TRHDE: variants seen among roughly 807,000 people sequenced by gnomAD.
TRHDE encodes thyrotropin releasing hormone degrading enzyme.
TRHDE carries 72 observed loss-of-function variants against 125.7 expected under a neutral mutation model. The ratio of observed to expected loss-of-function variants is 0.57; its 90% CI spans 0.47 to 0.70. The LOEUF (loss-of-function observed/expected upper bound fraction) is 0.70, where lower values mean the gene tolerates loss of function less well. TRHDE is among the 30% of genes least tolerant of loss of function. TRHDE has a pLI of 0.00. For missense variants in TRHDE, 1,110 were observed against 1,327.1 expected, an observed-to-expected ratio of 0.84 and a Z score of 2.54; for synonymous variants, 509 against 509.1, an observed-to-expected ratio of 1.00 and a Z score of 0.00.
intron 3 of TRHDE, among the ~76,000 whole-genome samples, chr12:72,412,588 C>T (rs566793091): frequency 1.3e-5 from 2 of 152,042 alleles, no homozygotes; most frequent in East Asian, 3.9e-4. Context: ...TGGGCATGTA[C>T]CTCTTCAAGG....
chr12:72,610,689 C>G (rs1872603144), intron 12 of TRHDE: 1 of 152,234 alleles, frequency 6.6e-6, no homozygotes, highest in Non-Finnish European at 1.5e-5. Context: ...GAGTCACCTT[C>G]TAAGCACATG....
intron 12 of TRHDE, among the ~76,000 whole-genome samples, chr12:72,583,969 C>T (rs1188806019): frequency 1.5e-5 from 1 of 67,586 alleles, no homozygotes; most frequent in Non-Finnish European, 2.1e-5. Flanking sequence ...GTCTCGCTGT[C>T]GCCCAGGCTG....
At chr12:72,402,176 G>C (rs1435813834) in intron 3 of TRHDE, among the ~76,000 whole-genome samples, 1 of 151,874 alleles carries the variant, frequency 6.6e-6, no homozygotes, top group Non-Finnish European at 1.5e-5. Context: ...TCCTAGGGGT[G>C]TCCAATCTTT....
Position 72,640,681 on chromosome 12 carries a change from G to A in TRHDE, c.2676-11641G>A, listed in dbSNP as rs533320285. On this transcript the variant is annotated intron_variant, in intron 15 of 18. Coordinates refer to ENST00000261180, the MANE Select transcript of TRHDE (RefSeq NM_013381.3). ...TCACGCATCAATGCAGAAATCACCC[G>A]TCTTCTGCATCGCTCATGCTGGGAG... Among the ~76,000 whole-genome samples the A allele has an allele frequency of 1.2e-3, 178 of 151,646 alleles. 1 individual carries two copies. The highest frequency in any genetic ancestry group is 3.8e-3 in the African/African-American group (157 of 41,298).
chr12:72,514,325 C>A (rs2135952248), intron 6 of TRHDE, among the ~76,000 whole-genome samples: 1 of 152,036 alleles, frequency 6.6e-6, no homozygotes, highest in South Asian at 2.1e-4. Flanking sequence ...GGATGCATGA[C>A]TTAGACCATA....
intron 2 of TRHDE, among the ~76,000 whole-genome samples, chr12:72,367,069 CCTT>C (rs1314867662): frequency 5.3e-5 from 8 of 152,144 alleles, no homozygotes; most frequent in Non-Finnish European, 8.8e-5. Context: ...TCATGTGCCT[CCTT>C]CTTAGCACTG....
At chr12:72,101,287 C>T (rs1197904638) in intron 1 of TRHDE, among the ~76,000 whole-genome samples, 3 of 152,058 alleles carry the variant, frequency 2.0e-5, no homozygotes, top group East Asian at 3.9e-4. Flanking sequence ...GTCGTCTGCT[C>T]GAAATATAGG....
chr12:72,402,129 G>A (rs1308820437), intron 3 of TRHDE, among the ~76,000 whole-genome samples: 1 of 152,104 alleles, frequency 6.6e-6, no homozygotes, highest in Non-Finnish European at 1.5e-5. Flanking sequence ...GGTGTTGGTA[G>A]GATTGGTTTC....
chr12:72,623,897 T>G (rs1348924331), intron 15 of TRHDE, among the ~76,000 whole-genome samples: 1 of 152,084 alleles, frequency 6.6e-6, no homozygotes, highest in Admixed American at 6.6e-5. Context: ...ACTCTGCCAC[T>G]TATCTGTGGT....
intron 6 of TRHDE, among the ~76,000 whole-genome samples, chr12:72,537,225 T>A (rs963231587): frequency 2.6e-5 from 4 of 152,062 alleles, no homozygotes; most frequent in Non-Finnish European, 4.4e-5. Flanking sequence ...GACAGATACA[T>A]TATTGATGAC....
rs1873928337 is a variant in TRHDE at position 72,639,386 on chromosome 12, T to C, written c.2676-12936T>C. 2.6e-5 allele frequency among the ~76,000 whole-genome samples: 4 copies of C among 151,820 alleles called. No homozygotes were observed. In the South Asian group the frequency reaches 8.3e-4, roughly 31 times the overall value. The stretch of plus-strand genomic sequence containing the variant: ...CCTTTAAGCACTTCTCTGTATTGGT[T>C]ATTCTAGTTATACATTCTTCTAAAC... On this transcript the variant is annotated intron_variant, in intron 15 of 18. Transcript: ENST00000261180.
chr12:72,437,692 A>G (rs1328982986), intron 3 of TRHDE, among the ~76,000 whole-genome samples: 2 of 151,848 alleles, frequency 1.3e-5, no homozygotes, highest in Admixed American at 6.6e-5. Flanking sequence ...TATTTATCAT[A>G]AACAACATAA....
At chr12:72,489,721 C>T (rs1171143300) in intron 5 of TRHDE, among the ~76,000 whole-genome samples, 2 of 151,544 alleles carry the variant, frequency 1.3e-5, no homozygotes, top group Non-Finnish European at 3.0e-5. Flanking sequence ...TTTCACAATG[C>T]CACCAAGAAG....
At chr12:72,555,516 T>C (rs983074886) in intron 7 of TRHDE, among the ~76,000 whole-genome samples, 4 of 152,190 alleles carry the variant, frequency 2.6e-5, no homozygotes, top group Admixed American at 6.5e-5. Context: ...TCTAATAGAA[T>C]TAAAATATAA....
chr12:72,270,877 G>A (rs1879182725), upstream of TRHDE, among the ~76,000 whole-genome samples: 1 of 152,180 alleles, frequency 6.6e-6, no homozygotes, highest in Admixed American at 6.5e-5. Flanking sequence ...CAGCCAATGG[G>A]CTATGAACCT....
intron 15 of TRHDE, among the ~76,000 whole-genome samples, chr12:72,629,500 A>G (rs1873391009): frequency 6.6e-6 from 1 of 151,800 alleles, no homozygotes; most frequent in African/African-American, 2.4e-5. Context: ...GTTGTAGAAT[A>G]GCTCTATTTT....
intron 15 of TRHDE, among the ~76,000 whole-genome samples, chr12:72,634,514 A>T (rs574230003): frequency 1.3e-5 from 2 of 150,048 alleles, no homozygotes; most frequent in South Asian, 4.2e-4. Flanking sequence ...ATTTATTATT[A>T]TTATACTTTA....
intron 15 of TRHDE, among the ~76,000 whole-genome samples, chr12:72,644,502 G>C (rs1349771300): frequency 6.6e-6 from 1 of 152,122 alleles, no homozygotes; most frequent in Non-Finnish European, 1.5e-5. Flanking sequence ...CCCAATTCTT[G>C]ACAGCCTCTT....
intron 15 of TRHDE, among the ~76,000 whole-genome samples, chr12:72,630,147 G>A (rs548142690): frequency 6.6e-6 from 1 of 151,644 alleles, no homozygotes; most frequent in African/African-American, 2.4e-5. Flanking sequence ...TACATCTGTG[G>A]GTTGAATAGT....
Sources: gnomAD v4.1 joint callset for allele counts (sites outside exome capture counted in the v4.1 genomes callset) on GRCh38, gnomAD v4.1.1 for gene constraint, MANE v1.5 for transcripts, NCBI Gene and HGNC (gene_info 2026-07-23, HGNC 2026-07-21) for gene names.